Variants in TTC39B observed in about 807,000 individuals in gnomAD.
TTC39B encodes tetratricopeptide repeat protein 39B.
A neutral mutation model predicts 96.6 loss-of-function variants in TTC39B; 92 were observed. The observed-to-expected ratio is 0.95, with a 90% CI of 0.80 to 1.13. The LOEUF is 1.13. TTC39B is among the 50% of genes most tolerant of loss of function. TTC39B has a pLI of 0.00. For missense variants in TTC39B, 955 were observed against 809.3 expected (o/e 1.18, Z -2.18); for synonymous variants, 367 against 299.4 (o/e 1.23, Z -2.33).
At chr9:15,294,426 C>T (rs763268126) in intron 1 of TTC39B, among the ~76,000 whole-genome samples, 14 of 152,196 alleles carry the variant, frequency 9.2e-5, no homozygotes, top group Non-Finnish European at 1.6e-4. Flanking sequence ...AACTTTATGA[C>T]ATTGACCAAA....
chr9:15,233,674 C>G (rs996238096), intron 2 of TTC39B, among the ~76,000 whole-genome samples: 2 of 152,222 alleles, frequency 1.3e-5, no homozygotes, highest in African/African-American at 4.8e-5. Flanking sequence ...GGTGCCCAGG[C>G]TGGAGTGCAG....
intron 11 of TTC39B, 136 bp from the exon 12 acceptor site, chr9:15,189,928 T>A: frequency 3.1e-6 from 2 of 653,282 alleles, no homozygotes; most frequent in Non-Finnish European, 2.7e-6. Flanking sequence ...CATTTTTATA[T>A]CTGGGGAATA....
intron 3 of TTC39B, among the ~76,000 whole-genome samples, chr9:15,221,364 A>G (rs1460931233): frequency 6.6e-6 from 1 of 152,190 alleles, no homozygotes; most frequent in African/African-American, 2.4e-5. Context: ...TGTGGGCTAT[A>G]TAACTCATTA....
chr9:15,242,393 G>A (rs1822084051), intron 2 of TTC39B, among the ~76,000 whole-genome samples: 1 of 152,048 alleles, frequency 6.6e-6, no homozygotes, highest in Non-Finnish European at 1.5e-5. Context: ...ACCAGCCTGG[G>A]CAACATAGGG....
Position 15,199,939 on chromosome 9 carries a change from A to G in TTC39B, c.760-14T>C. The G allele has an allele frequency of 6.6e-7, 1 of 1,507,156 alleles. No homozygotes were observed. The highest frequency in any genetic ancestry group is 9.1e-7 in the Non-Finnish European group (1 of 1,098,130). 93.4% of individuals were successfully genotyped at this position (1,507,156 alleles called of 1,614,324 possible). A position where few individuals can be genotyped will look rare whatever the true frequency, so the allele number is the denominator to read the frequency against. On this transcript the variant is annotated splice_polypyrimidine_tract_variant and intron_variant, in intron 7 of 19. Transcript: ENST00000512701. ...CATATTTTCATCCTGAAAATAATTC[A>G]GTTAAAAAATTAGATTATTTAGCAA... is the stretch of plus-strand genomic sequence containing the variant.
At chr9:15,176,367 A>C (rs1030059366) in intron 18 of TTC39B, among the ~76,000 whole-genome samples, 1 of 152,246 alleles carries the variant, frequency 6.6e-6, no homozygotes, top group Non-Finnish European at 1.5e-5. Flanking sequence ...AATTCAATAG[A>C]TATTTCTTTA....
intron 17 of TTC39B, 49 bp downstream of exon 17, chr9:15,182,258 G>C (rs377347954): frequency 1.6e-6 from 2 of 1,214,844 alleles, no homozygotes; most frequent in Non-Finnish European, 2.4e-6. Flanking sequence ...CAGGAGAGCA[G>C]TCATGGAGCA....
chr9:15,214,033 A>C (rs1041582193), intron 4 of TTC39B, 106 bp downstream of exon 4: 1 of 787,526 alleles, frequency 1.3e-6, no homozygotes, highest in African/African-American at 1.7e-5. Context: ...AAATTAGCTT[A>C]TCAATATTCA....
chr9:15,233,064 C>G (rs1821518142), intron 2 of TTC39B, among the ~76,000 whole-genome samples: 1 of 152,060 alleles, frequency 6.6e-6, no homozygotes, highest in South Asian at 2.1e-4. Flanking sequence ...AGCTGTAGAT[C>G]CTGTTGCGGA....
chr9:15,291,500 C>G (rs1824189060), intron 1 of TTC39B, among the ~76,000 whole-genome samples: 1 of 152,184 alleles, frequency 6.6e-6, no homozygotes, highest in Non-Finnish European at 1.5e-5. Flanking sequence ...ATTGCCCAGT[C>G]TCAGGTATGT....
At position 15,183,119 on chromosome 9, in the gene TTC39B, G is replaced by A. The variant is rs184609582; in HGVS notation, c.1615-704C>T. 2.8e-4 allele frequency among the ~76,000 whole-genome samples: 42 copies of A among 152,200 alleles called. No individual in the cohort carries two copies. In the East Asian group the frequency reaches 7.7e-3, roughly 28 times the overall value. On this transcript the variant is annotated intron_variant, in intron 16 of 19. Coordinates refer to ENST00000512701, the Ensembl canonical transcript of TTC39B. ...GGGTATGAAGTAAGCAGGGTAATTA[G>A]TATCTTCTTGGAAATAAATTTTAAG...
At chr9:15,228,324 C>G (rs375765514) in intron 2 of TTC39B, among the ~76,000 whole-genome samples, 13 of 152,004 alleles carry the variant, frequency 8.6e-5, no homozygotes, top group Non-Finnish European at 1.6e-4. Flanking sequence ...ATTAGCCAGG[C>G]GTGGTGGTGG....
At chr9:15,247,862 A>C (rs1323351315) in intron 2 of TTC39B, among the ~76,000 whole-genome samples, 3 of 151,752 alleles carry the variant, frequency 2.0e-5, no homozygotes, top group Non-Finnish European at 4.4e-5. Flanking sequence ...AAAAAAAAAA[A>C]ACGAGGGGGC....
intron 2 of TTC39B, among the ~76,000 whole-genome samples, chr9:15,263,240 T>G (rs1489148259): frequency 6.6e-6 from 1 of 152,210 alleles, no homozygotes; most frequent in Non-Finnish European, 1.5e-5. Flanking sequence ...ACCCACACTC[T>G]TACAAGGGAG....
chr9:15,187,139 G>C (rs1462711779), intron 14 of TTC39B, 104 bp from the exon 15 acceptor site: 4 of 769,398 alleles, frequency 5.2e-6, no homozygotes, highest in Non-Finnish European at 8.2e-6. Context: ...TAAAATTAGA[G>C]GCATTAAAGA....
chr9:15,287,558 G>A (rs1215710790), intron 1 of TTC39B, among the ~76,000 whole-genome samples: 1 of 152,124 alleles, frequency 6.6e-6, no homozygotes, highest in African/African-American at 2.4e-5. Context: ...GCTTCCCGGA[G>A]CTTACAGACC....
intron 2 of TTC39B, among the ~76,000 whole-genome samples, chr9:15,226,976 T>C (rs945939919): frequency 9.2e-5 from 14 of 152,048 alleles, no homozygotes; most frequent in African/African-American, 2.9e-4. Context: ...TGCGTGTTTT[T>C]TTGTGGTTGT....
chr9:15,251,688 CACAT>C (rs1290898109), intron 2 of TTC39B, among the ~76,000 whole-genome samples: 2 of 106,706 alleles, frequency 1.9e-5, no homozygotes, highest in East Asian at 6.9e-4. Context: ...CACACACACA[CACAT>C]ACATATACAT....
At chr9:15,210,288 C>A (rs1820119879) in intron 5 of TTC39B, 124 bp from the exon 6 acceptor site, 1 of 640,712 alleles carries the variant, frequency 1.6e-6, no homozygotes, top group Admixed American at 3.1e-5. Flanking sequence ...AAACTCTAAA[C>A]CCTGAAGTCT....
Sources: gnomAD v4.1 joint callset for allele counts (sites outside exome capture counted in the v4.1 genomes callset) on GRCh38, gnomAD v4.1.1 for gene constraint, MANE v1.5 for transcripts, NCBI Gene and HGNC (gene_info 2026-07-23, HGNC 2026-07-21) for gene names.